Variants in PRKD3 observed in about 807,000 individuals in gnomAD.
PRKD3 encodes the protein serine/threonine-protein kinase D3.
PRKD3 carries 47 observed loss-of-function variants against 99.2 expected under a neutral mutation model. That is an observed-to-expected ratio of 0.47 (90% CI 0.38 to 0.60). The LOEUF (loss-of-function observed/expected upper bound fraction) is 0.60. Among genes scored for constraint, PRKD3 ranks in the 20% least tolerant of loss-of-function variants. The pLI is 0.00. For synonymous variants in PRKD3, 392 were observed against 355.4 expected (o/e 1.10, Z -1.16); for missense variants, 1,019 against 1,088.4 (o/e 0.94, Z 0.90).
intron 2 of PRKD3, among the ~76,000 whole-genome samples, chr2:37,301,844 T>C (rs1670945464): frequency 6.6e-6 from 1 of 152,252 alleles, no homozygotes; most frequent in Non-Finnish European, 1.5e-5. Flanking sequence ...TTTATTCCTC[T>C]AGGGCAATGA....
intron 14 of PRKD3, 108 bp from the exon 15 acceptor site, chr2:37,260,492 A>G: frequency 4.0e-6 from 4 of 988,138 alleles, no homozygotes; most frequent in Non-Finnish European, 6.1e-6. Context: ...AAGCCTAGAG[A>G]AGTAAACAAA....
chr2:37,259,947 T>A (rs1246477246), intron 15 of PRKD3, among the ~76,000 whole-genome samples: 1 of 152,118 alleles, frequency 6.6e-6, no homozygotes, highest in Non-Finnish European at 1.5e-5. Context: ...GGTGGATCAC[T>A]TGAGGCAAGG....
At position 37,267,489 on chromosome 2, in the gene PRKD3, T is replaced by C. The variant is rs1668926775; in HGVS notation, c.1825A>G (p.Lys609Glu). The change falls in exon 14 of 19, where the codon AAG (lysine) becomes GAG (glutamate). Residue 609 changes from lysine to glutamate, a missense_variant. Physicochemically the swap from Lys to Glu is moderately conservative, Grantham distance 56. Coordinates refer to ENST00000234179, the MANE Select transcript of PRKD3 (RefSeq NM_005813.6). ...TCTTGTTTTGTGGGGAATCTCATCT[T>C]ATCAATTACTTTAATAGCCACATCC... ...GRDVAIKVIDKMRFPTKQESQ... is the reference protein window; with the variant it reads ...GRDVAIKVIDEMRFPTKQESQ... The C allele has an allele frequency of 3.1e-6, 5 of 1,611,732 alleles. No homozygotes were observed. Among genetic ancestry groups the C allele is most frequent in the Non-Finnish European group, 4.2e-6 (5 of 1,178,590 alleles).
In PRKD3 at chr2:37,296,090, G is replaced by C. The variant is rs142829719; in HGVS notation, c.289-2819C>G. Reference sequence around the variant, plus strand: ...AGGAACTTTCTCTCCAGAAACTATAGCAAGTAAATGGAAAGAGACAAGGAA... The same window carrying C: ...AGGAACTTTCTCTCCAGAAACTATACCAAGTAAATGGAAAGAGACAAGGAA... On this transcript the variant is annotated intron_variant, in intron 2 of 18. Transcript: ENST00000234179. Among the ~76,000 whole-genome samples the C allele has an allele frequency of 2.4e-4, 37 of 151,286 alleles. No individual in the cohort carries two copies. In the East Asian group the frequency reaches 5.8e-3, roughly 24 times the overall value.
chr2:37,324,436 A>C (rs1190063895), intron 1 of PRKD3: 1 of 151,308 alleles, frequency 6.6e-6, no homozygotes, highest in African/African-American at 2.4e-5. Flanking sequence ...GCTCCCCCTC[A>C]GCCGCCCACC....
At chr2:37,317,349 A>T (rs908091741) in intron 1 of PRKD3, among the ~76,000 whole-genome samples, 170 bp from the exon 2 acceptor site, 21 of 152,190 alleles carry the variant, frequency 1.4e-4, no homozygotes, top group African/African-American at 4.6e-4. Context: ...TTTTTTTACT[A>T]TAAGTATAAT....
intron 16 of PRKD3, among the ~76,000 whole-genome samples, chr2:37,259,184 A>G (rs1227150818): frequency 6.6e-6 from 1 of 152,212 alleles, no homozygotes; most frequent in Admixed American, 6.5e-5. Context: ...TTTGAATACA[A>G]TACTCTACAT....
chr2:37,270,300 T>C (rs945101505), intron 12 of PRKD3, among the ~76,000 whole-genome samples: 1 of 147,918 alleles, frequency 6.8e-6, no homozygotes. Flanking sequence ...AAATTAAAAA[T>C]GAAATTTTAC....
Position 37,272,413 on chromosome 2 carries a change from G to A in PRKD3, c.1671C>T (p.Ile557=), listed in dbSNP as rs751017008. The A allele has an allele frequency of 1.2e-6, 2 of 1,606,638 alleles. No homozygotes were observed. Among genetic ancestry groups the A allele is most frequent in the Non-Finnish European group, 1.7e-6 (2 of 1,177,814 alleles). The change falls in exon 12 of 19, where the codon ATC becomes ATT. Residue 557 remains isoleucine (I), a synonymous_variant. Transcript: ENST00000234179. ...GKDHKDLSTS[I]SVSNCQIQEN... Reference sequence around the variant, plus strand: ...CCTGAATCTGACAATTAGATACAGAGATACTTGTAGACAAATCTTCTGTAA... The same window carrying A: ...CCTGAATCTGACAATTAGATACAGAAATACTTGTAGACAAATCTTCTGTAA...
chr2:37,286,019 C>T (rs1558554324), intron 6 of PRKD3, among the ~76,000 whole-genome samples, 158 bp downstream of exon 6: 1 of 152,178 alleles, frequency 6.6e-6, no homozygotes, highest in Non-Finnish European at 1.5e-5. Context: ...TAGTAGTTTA[C>T]ACACACATTT....
At chr2:37,277,806 C>A (rs1307070154) in intron 9 of PRKD3, 60 bp downstream of exon 9, 3 of 1,529,854 alleles carry the variant, frequency 2.0e-6, no homozygotes, top group East Asian at 2.3e-5. Flanking sequence ...TTAAAAAATG[C>A]ACAGAATGAA....
intron 2 of PRKD3, among the ~76,000 whole-genome samples, chr2:37,297,791 A>G (rs1181661989): frequency 1.3e-5 from 2 of 152,126 alleles, no homozygotes; most frequent in Admixed American, 1.3e-4. Flanking sequence ...TGCCATTCTC[A>G]TTGCACTCTA....
At chr2:37,316,069 G>A (rs1489003215) in intron 2 of PRKD3, among the ~76,000 whole-genome samples, 168 bp downstream of exon 2, 2 of 152,172 alleles carry the variant, frequency 1.3e-5, no homozygotes, top group Non-Finnish European at 2.9e-5. Flanking sequence ...CAATTAGCTA[G>A]ACTCTGAAAT....
At chr2:37,299,019 GC>G (rs201468324) in intron 2 of PRKD3, among the ~76,000 whole-genome samples, 1 of 133,182 alleles carries the variant, frequency 7.5e-6, no homozygotes, top group Non-Finnish European at 1.7e-5. Context: ...TAGAGGAAAG[GC>G]TTTCAGTTTT....
intron 8 of PRKD3, chr2:37,278,261 G>C (rs1377009363): frequency 9.4e-6 from 2 of 212,436 alleles, no homozygotes; most frequent in African/African-American, 2.4e-5. Flanking sequence ...GGAATAGAAA[G>C]TACCCTCCCA....
intron 14 of PRKD3, among the ~76,000 whole-genome samples, chr2:37,262,918 T>C (rs1250357234): frequency 6.7e-6 from 1 of 149,970 alleles, no homozygotes; most frequent in African/African-American, 2.5e-5. Context: ...TTTGTGGTTA[T>C]CTCCCTAAGA....
In PRKD3 at chr2:37,274,563, G is replaced by A. The variant is rs1372060670; in HGVS notation, c.1509C>T (p.Asp503=). Residue 503 remains aspartate, a synonymous_variant, in exon 11 of 19, where the codon GAC becomes GAT. Transcript: ENST00000234179. ...CAGCAAGAACAGGATTATGAGAGCT[G>A]TCCCCATTGTTCTCACCAACGAAGT... ...MVYFVGENNG[D]SSHNPVLAAT... The A allele has an allele frequency of 1.2e-6, 2 of 1,614,112 alleles. No homozygotes were observed. Among genetic ancestry groups the A allele is most frequent in the Non-Finnish European group, 1.7e-6 (2 of 1,180,006 alleles).
At chr2:37,304,852 TTTC>T (rs1401069671) in intron 2 of PRKD3, among the ~76,000 whole-genome samples, 1 of 152,220 alleles carries the variant, frequency 6.6e-6, no homozygotes, top group East Asian at 1.9e-4. Context: ...ATTCTCATTT[TTTC>T]TTGTTTTGTT....
intron 9 of PRKD3, among the ~76,000 whole-genome samples, chr2:37,276,318 C>T (rs1042459164): frequency 2.6e-5 from 4 of 152,108 alleles, no homozygotes; most frequent in African/African-American, 9.7e-5. Context: ...TAGTTACTCA[C>T]ACCCTCATTA....
Sources: allele counts gnomAD v4.1 joint callset (sites outside exome capture counted in the v4.1 genomes callset), GRCh38; gene constraint gnomAD v4.1.1; transcripts MANE v1.5; gene names NCBI Gene and HGNC (gene_info 2026-07-23, HGNC 2026-07-21).